The following PACS1 variants were observed in gnomAD, a reference collection of about 807,000 sequenced individuals.
The protein encoded by PACS1 is PACS-1.
Under a neutral mutation model 115.0 loss-of-function variants are expected in PACS1, and 24 were observed. The ratio of observed to expected loss-of-function variants is 0.21; its 90% CI spans 0.15 to 0.29. The LOEUF (loss-of-function observed/expected upper bound fraction) is 0.29. Among genes scored for constraint, PACS1 ranks in the 10% least tolerant of loss-of-function variants. PACS1 has a pLI of 1.00. For missense variants in PACS1, 838 were observed against 1,251.2 expected (o/e 0.67, Z 4.98); for synonymous variants, 453 against 504.5 (o/e 0.90, Z 1.37).
intron 4 of PACS1, among the ~76,000 whole-genome samples, chr11:66,215,874 T>C (rs191548872): frequency 6.7e-6 from 1 of 150,362 alleles, no homozygotes; most frequent in African/African-American, 2.4e-5. Flanking sequence ...CACTCCAGCC[T>C]GGGCGACAGT....
Position 66,220,731 on chromosome 11 carries a change from A to T in PACS1, c.1139A>T (p.Asp380Val), listed in dbSNP as rs1855323789. 1 of 1,614,018 alleles carries T rather than the reference A, an allele frequency of 6.2e-7. No homozygotes were observed. Among genetic ancestry groups the T allele is most frequent in the Non-Finnish European group, 8.5e-7 (1 of 1,180,018 alleles). ...AGTCTGGAGATGTACAACCCCAGCGACAGTGGCCCTGAGATGGAGGAGACA... is the reference window on the plus strand; with the variant it reads ...AGTCTGGAGATGTACAACCCCAGCGTCAGTGGCCCTGAGATGGAGGAGACA... ...YDSLEMYNPS[D>V]SGPEMEETES... The change falls in exon 9 of 24, where the codon GAC (aspartate) becomes GTC (valine). Residue 380 changes from aspartate to valine, a missense_variant. Coordinates refer to ENST00000320580, the MANE Select transcript of PACS1 (RefSeq NM_018026.4).
intron 2 of PACS1, among the ~76,000 whole-genome samples, chr11:66,208,620 G>A (rs1854997737): frequency 7.1e-6 from 1 of 141,596 alleles, no homozygotes; most frequent in South Asian, 2.2e-4. Context: ...TTAAAGACCA[G>A]CCTGGGCAAC....
chr11:66,205,141 T>C (rs1270553035), intron 2 of PACS1, among the ~76,000 whole-genome samples: 1 of 152,072 alleles, frequency 6.6e-6, no homozygotes, highest in Non-Finnish European at 1.5e-5. Flanking sequence ...TGCACCATCA[T>C]GCCCAGCTAA....
At chr11:66,071,291 A>G (rs1857307466) in intron 1 of PACS1, among the ~76,000 whole-genome samples, 1 of 152,048 alleles carries the variant, frequency 6.6e-6, no homozygotes, top group African/African-American at 2.4e-5. Context: ...TCATATAATC[A>G]CCCTAGGGGC....
At chr11:66,203,271 A>T (rs887635092) in intron 2 of PACS1, among the ~76,000 whole-genome samples, 1 of 152,196 alleles carries the variant, frequency 6.6e-6, no homozygotes, top group African/African-American at 2.4e-5. Context: ...TACAAATAAG[A>T]TACCTAGGAA....
intron 1 of PACS1, among the ~76,000 whole-genome samples, chr11:66,153,509 C>T (rs1375172454): frequency 3.3e-5 from 5 of 152,060 alleles, no homozygotes; most frequent in African/African-American, 4.8e-5. Context: ...TGGCCAGGCG[C>T]GGTGGCTCAC....
intron 1 of PACS1, among the ~76,000 whole-genome samples, chr11:66,079,673 T>C (rs1857451568): frequency 6.6e-6 from 1 of 152,216 alleles, no homozygotes; most frequent in Non-Finnish European, 1.5e-5. Flanking sequence ...CAAAAGCTTA[T>C]AGACCAGCTG....
At chr11:66,197,875 A>G (rs896447900) in intron 2 of PACS1, among the ~76,000 whole-genome samples, 4 of 152,240 alleles carry the variant, frequency 2.6e-5, no homozygotes. Context: ...TTCCAACTGT[A>G]TATCACTTTG....
At chr11:66,152,195 C>T (rs772389229) in intron 1 of PACS1, among the ~76,000 whole-genome samples, 133 of 152,152 alleles carry the variant, frequency 8.7e-4, no homozygotes, top group Non-Finnish European at 2.5e-4. Context: ...GATCGTGCCA[C>T]TGCACTCCAG....
intron 1 of PACS1, among the ~76,000 whole-genome samples, chr11:66,120,083 C>G (rs374915510): frequency 6.6e-6 from 1 of 150,970 alleles, no homozygotes; most frequent in Non-Finnish European, 1.5e-5. Flanking sequence ...AGATCATATT[C>G]TTAAAACTCT....
At chr11:66,093,443 CAAAG>C (rs1368482018) in intron 1 of PACS1, among the ~76,000 whole-genome samples, 1 of 145,588 alleles carries the variant, frequency 6.9e-6, no homozygotes, top group Non-Finnish European at 1.5e-5. Context: ...TCAAAAGAGA[CAAAG>C]AAGGCCATTA....
intron 2 of PACS1, among the ~76,000 whole-genome samples, chr11:66,202,876 C>CA (rs1854849038): frequency 6.7e-6 from 1 of 148,758 alleles, no homozygotes; most frequent in Non-Finnish European, 1.5e-5. Context: ...ACAATAAAAG[C>CA]CATATATGAC....
intron 1 of PACS1, among the ~76,000 whole-genome samples, chr11:66,074,433 C>A (rs2134491893): frequency 6.6e-6 from 1 of 152,260 alleles, no homozygotes; most frequent in South Asian, 2.1e-4. Flanking sequence ...TTGATCCCTT[C>A]CCTTCTGCCT....
At chr11:66,196,116 C>G (rs1854643781) in intron 2 of PACS1, among the ~76,000 whole-genome samples, 1 of 152,134 alleles carries the variant, frequency 6.6e-6, no homozygotes, top group African/African-American at 2.4e-5. Context: ...GTAGTCCCAG[C>G]TACTTAAGAG....
chr11:66,128,990 T>G (rs891818269), intron 1 of PACS1, among the ~76,000 whole-genome samples: 2 of 152,050 alleles, frequency 1.3e-5, no homozygotes, highest in African/African-American at 4.8e-5. Context: ...ACAAGGGATC[T>G]TTTGGGGTGA....
chr11:66,238,901 C>T (rs1855756097), intron 20 of PACS1, 55 bp downstream of exon 20: 1 of 1,504,292 alleles, frequency 6.6e-7, no homozygotes, highest in Non-Finnish European at 9.1e-7. Context: ...TCCCTGTCTT[C>T]CCTCTAGTCC....
intron 1 of PACS1, among the ~76,000 whole-genome samples, chr11:66,148,346 G>A (rs34725821): frequency 6.6e-6 from 1 of 151,920 alleles, no homozygotes; most frequent in Non-Finnish European, 1.5e-5. Context: ...ATAGAGATGG[G>A]TGTCTCGTGA....
chr11:66,214,574 TTCTC>T (rs774203316), intron 4 of PACS1, among the ~76,000 whole-genome samples: 17 of 139,414 alleles, frequency 1.2e-4, no homozygotes, highest in Non-Finnish European at 1.6e-5. Context: ...CCTTCCTTCC[TTCTC>T]TCTCTCGCTC....
chr11:66,203,373 A>T (rs1311845880), intron 2 of PACS1, among the ~76,000 whole-genome samples: 1 of 152,220 alleles, frequency 6.6e-6, no homozygotes, highest in Non-Finnish European at 1.5e-5. Context: ...AAATGGAAAG[A>T]TATTCCATAT....
Sources: allele counts gnomAD v4.1 joint callset (sites outside exome capture counted in the v4.1 genomes callset), GRCh38; gene constraint gnomAD v4.1.1; transcripts MANE v1.5; gene names NCBI Gene and HGNC (gene_info 2026-07-23, HGNC 2026-07-21).